The following NAV2 variants were observed in gnomAD, a reference collection of about 807,000 sequenced individuals.
The protein encoded by NAV2 is helicase, APC down-regulated 1.
Under a neutral mutation model 223.2 loss-of-function variants are expected in NAV2, and 54 were observed. The observed-to-expected ratio is 0.24, with a 90% confidence interval of 0.19 to 0.30. The LOEUF is 0.30. Among genes scored for constraint, NAV2 ranks in the 10% least tolerant of loss-of-function variants. The pLI is 1.00. For synonymous variants in NAV2, 1,279 were observed against 1,239.3 expected, an observed-to-expected ratio of 1.03 and a Z score of -0.67; for missense variants, 2,806 against 3,147.5, an observed-to-expected ratio of 0.89 and a Z score of 2.60.
intron 1 of NAV2, among the ~76,000 whole-genome samples, chr11:19,639,871 C>T (rs543064642): frequency 6.6e-6 from 1 of 152,286 alleles, no homozygotes; most frequent in South Asian, 2.1e-4. Flanking sequence ...CCCCTAGAAA[C>T]TGGTAGCAGG....
intron 29 of NAV2, among the ~76,000 whole-genome samples, chr11:20,094,104 T>C (rs1258188096): frequency 1.3e-5 from 2 of 152,152 alleles, no homozygotes; most frequent in Non-Finnish European, 2.9e-5. Flanking sequence ...CTCAGCATTT[T>C]GGCACTTCCA....
Position 20,078,058 on chromosome 11 carries a change from G to C in NAV2, c.5133G>C (p.Gln1711His), listed in dbSNP as rs1476970159. The change falls in exon 24 of 38, where the codon CAG becomes CAC. Residue 1711 changes from glutamine (Q) to histidine (H), a missense_variant. Transcript: ENST00000349880. The part of the protein sequence containing the change: ...ELLKKQNAAA[Q>H]AAINGVINTP... ...TAAAGAAACAGAACGCAGCTGCCCA[G>C]GCTGCCATTAATGGAGTAATTAACA... 3.1e-6 allele frequency: 5 copies of C among 1,613,468 alleles called. No individual in the cohort carries two copies. The highest frequency in any genetic ancestry group is 4.2e-6 in the Non-Finnish European group (5 of 1,179,862).
chr11:19,663,151 G>A (rs779631486), intron 1 of NAV2, among the ~76,000 whole-genome samples: 11 of 152,192 alleles, frequency 7.2e-5, no homozygotes, highest in Non-Finnish European at 1.6e-4. Flanking sequence ...ACAAGACAGT[G>A]TGTATGTGTG....
At chr11:19,448,031 A>C (rs1440042101) in intron 1 of NAV2, among the ~76,000 whole-genome samples, 5 of 152,198 alleles carry the variant, frequency 3.3e-5, no homozygotes, top group Non-Finnish European at 7.3e-5. Flanking sequence ...TAAAGGAAGA[A>C]GGGTGCTGTC....
chr11:19,405,074 A>G (rs557954292), intron 1 of NAV2, among the ~76,000 whole-genome samples: 1 of 152,316 alleles, frequency 6.6e-6, no homozygotes, highest in East Asian at 1.9e-4. Flanking sequence ...TCCGTGGAAG[A>G]CAGGAATTAG....
chr11:19,700,852 T>G (rs1348651787), intron 1 of NAV2, among the ~76,000 whole-genome samples: 1 of 152,216 alleles, frequency 6.6e-6, no homozygotes, highest in Non-Finnish European at 1.5e-5. Context: ...AGAATTTTGA[T>G]TCTTACTAAC....
chr11:20,054,355 C>G lies in NAV2; in HGVS notation c.4642+115C>G, dbSNP rs1358087525. The G allele has an allele frequency of 6.7e-5, 69 of 1,022,718 alleles. 1 individual carries two copies. Among genetic ancestry groups the G allele is most frequent in the South Asian group, 1.1e-4 (6 of 53,036 alleles). The allele number at this position is 1,022,718 out of a possible 1,614,324, so 63.4% of individuals were successfully genotyped here. A position where few individuals can be genotyped will look rare whatever the true frequency, so the allele number is the denominator to read the frequency against. On this transcript the variant is annotated intron_variant, in intron 18 of 37. Coordinates refer to ENST00000349880, the MANE Select transcript of NAV2 (RefSeq NM_145117.5). ...TTTGGGGAGCAGGTGGTTTTGGTTA[C>G]ATGGGTAAGTTCTTTAGTGGTGATT...
chr11:19,682,161 C>T (rs2048897615), intron 1 of NAV2, among the ~76,000 whole-genome samples: 2 of 152,102 alleles, frequency 1.3e-5, no homozygotes, highest in Admixed American at 1.3e-4. Context: ...CTACACATTG[C>T]TCTGTTGACT....
intron 1 of NAV2, among the ~76,000 whole-genome samples, chr11:19,820,862 C>T (rs546379501): frequency 6.6e-6 from 1 of 152,298 alleles, no homozygotes; most frequent in East Asian, 1.9e-4. Flanking sequence ...ACCTGGCACA[C>T]AGTAGACAGA....
chr11:19,858,115 C>T (rs567121100), intron 3 of NAV2, among the ~76,000 whole-genome samples: 27 of 152,368 alleles, frequency 1.8e-4, no homozygotes, highest in Admixed American at 4.6e-4. Flanking sequence ...CTTGGCCTCC[C>T]AAAGTGCTGG....
intron 6 of NAV2, among the ~76,000 whole-genome samples, chr11:19,894,255 T>C (rs1453628053): frequency 2.6e-5 from 4 of 152,186 alleles, no homozygotes; most frequent in Non-Finnish European, 5.9e-5. Context: ...TTCAGAACCA[T>C]GATTAATACC....
intron 1 of NAV2, among the ~76,000 whole-genome samples, chr11:19,594,486 T>C (rs1006606591): frequency 2.8e-4 from 43 of 151,548 alleles, no homozygotes; most frequent in African/African-American, 1.0e-3. Flanking sequence ...CCAGGGCACA[T>C]AGAAGCAGGC....
chr11:19,877,943 G>T (rs1245885441), intron 4 of NAV2, among the ~76,000 whole-genome samples: 1 of 152,182 alleles, frequency 6.6e-6, no homozygotes, highest in East Asian at 1.9e-4. Flanking sequence ...AGAACATTTG[G>T]AAGCAGAAGT....
At chr11:19,609,880 G>A (rs556990084) in intron 1 of NAV2, among the ~76,000 whole-genome samples, 62 of 152,312 alleles carry the variant, frequency 4.1e-4, no homozygotes, top group Middle Eastern at 3.4e-3. Flanking sequence ...TAAGTCATGC[G>A]TCACTGAAAT....
intron 10 of NAV2, among the ~76,000 whole-genome samples, chr11:19,967,822 G>A (rs1448359596): frequency 6.6e-6 from 1 of 152,208 alleles, no homozygotes. Flanking sequence ...CAGGTGCCCA[G>A]AGGAATCATT....
In NAV2 at chr11:19,784,249, A is replaced by G. The variant is rs553294156; in HGVS notation, c.268-48235A>G. 1.3e-3 allele frequency among the ~76,000 whole-genome samples: 204 copies of G among 151,924 alleles called. 1 individual carries two copies. The highest frequency in any genetic ancestry group is 4.7e-3 in the African/African-American group (194 of 41,466). ...ACTAAAAATACAAAATTAGCTGGGC[A>G]TGGTGGCACATGCCTGTAATCCCAG... On this transcript the variant is annotated intron_variant, in intron 1 of 37. Coordinates refer to ENST00000349880, the MANE Select transcript of NAV2 (RefSeq NM_145117.5).
At chr11:19,978,437 C>A (rs1024836618) in intron 10 of NAV2, among the ~76,000 whole-genome samples, 1 of 152,090 alleles carries the variant, frequency 6.6e-6, no homozygotes, top group Non-Finnish European at 1.5e-5. Context: ...TCTAATGCAA[C>A]AAAGTATGTG....
chr11:19,349,792 G>A (rs989659537), upstream of NAV2, among the ~76,000 whole-genome samples: 1 of 152,050 alleles, frequency 6.6e-6, no homozygotes, highest in Non-Finnish European at 1.5e-5. Flanking sequence ...TGGTGCAGAG[G>A]TCCCTTCCTC....
At chr11:19,842,779 C>T in intron 2 of NAV2, 92 bp from the exon 3 acceptor site, 1 of 1,158,486 alleles carries the variant, frequency 8.6e-7, no homozygotes, top group African/African-American at 1.5e-5. Context: ...TGGTATGGGC[C>T]TTAGGACTTG....
Sources: gnomAD v4.1 joint callset for allele counts (sites outside exome capture counted in the v4.1 genomes callset) on GRCh38, gnomAD v4.1.1 for gene constraint, MANE v1.5 for transcripts, NCBI Gene and HGNC (gene_info 2026-07-23, HGNC 2026-07-21) for gene names.